Variants in FOXP2 observed in about 807,000 individuals in gnomAD.
FOXP2 encodes forkhead box protein P2.
FOXP2 carries 12 observed loss-of-function variants against 115.8 expected under a neutral mutation model. That is an observed-to-expected ratio of 0.10 (90% CI 0.07 to 0.17). The LOEUF (loss-of-function observed/expected upper bound fraction) is 0.17, where lower values mean the gene tolerates loss of function less well. FOXP2 is among the 10% of genes least tolerant of loss of function. The pLI is 1.00. For missense variants in FOXP2, 629 were observed against 843.5 expected, an observed-to-expected ratio of 0.75 and a Z score of 3.15; for synonymous variants, 328 against 297.7, an observed-to-expected ratio of 1.10 and a Z score of -1.05.
intron 3 of FOXP2, among the ~76,000 whole-genome samples, chr7:114,559,639 T>C (rs1294406983): frequency 6.6e-6 from 1 of 152,182 alleles, no homozygotes; most frequent in Non-Finnish European, 1.5e-5. Context: ...TCCCAGCACT[T>C]TGGGAGGCCA....
chr7:114,669,167 A>T (rs1807351578), intron 16 of FOXP2: 1 of 152,028 alleles, frequency 6.6e-6, no homozygotes, highest in African/African-American at 2.4e-5. Context: ...CATGATTATC[A>T]TCTCAACCTT....
In FOXP2 at chr7:114,659,439, A is replaced by T; in HGVS notation, c.1545+7A>T. 1 of 1,611,014 alleles carries T rather than the reference A, an allele frequency of 6.2e-7. No individual in the cohort carries two copies. The highest frequency in any genetic ancestry group is 8.5e-7 in the Non-Finnish European group (1 of 1,177,312). On this transcript the variant is annotated splice_region_variant and intron_variant, in intron 12 of 16. Transcript: ENST00000350908. ...TGCAACTCTCATAAGGCAGGTAAGT[A>T]GAAGGAAAATTAACTTTGCCTGATT...
intron 2 of FOXP2, among the ~76,000 whole-genome samples, chr7:114,388,716 T>C (rs1199703265): frequency 6.6e-6 from 1 of 152,222 alleles, no homozygotes; most frequent in Admixed American, 6.5e-5. Context: ...CAATTACTTG[T>C]TATTTTTCAC....
chr7:114,432,067 A>T (rs937689848), intron 2 of FOXP2, among the ~76,000 whole-genome samples: 2 of 151,822 alleles, frequency 1.3e-5, no homozygotes, highest in Admixed American at 6.6e-5. Flanking sequence ...TCAAAAGCAC[A>T]CTCTATACAA....
At chr7:114,572,620 C>T (rs1435865111) in intron 3 of FOXP2, among the ~76,000 whole-genome samples, 2 of 151,610 alleles carry the variant, frequency 1.3e-5, no homozygotes, top group Non-Finnish European at 3.0e-5. Context: ...GGACAGTTTT[C>T]CTAATTAGTA....
intron 2 of FOXP2, among the ~76,000 whole-genome samples, chr7:114,477,943 C>G (rs1796359312): frequency 6.6e-6 from 1 of 151,808 alleles, no homozygotes; most frequent in Non-Finnish European, 1.5e-5. Context: ...CTTAAAGACA[C>G]TGCCCCAAAG....
intron 1 of FOXP2, among the ~76,000 whole-genome samples, chr7:114,117,080 C>T (rs1791427615): frequency 1.3e-5 from 2 of 151,912 alleles, no homozygotes. Flanking sequence ...AATTTTTTAG[C>T]CTCAGGGGAA....
intron 2 of FOXP2, among the ~76,000 whole-genome samples, chr7:114,454,065 A>G (rs999180919): frequency 2.0e-5 from 3 of 151,338 alleles, no homozygotes; most frequent in African/African-American, 7.3e-5. Context: ...AGAAACTACC[A>G]TCAGAGTGAA....
intron 3 of FOXP2, chr7:114,570,961 G>A (rs1801272025): frequency 8.3e-7 from 1 of 1,205,432 alleles, no homozygotes; most frequent in Non-Finnish European, 1.2e-6. Flanking sequence ...GATTATATGT[G>A]ATTTTCTATA....
In FOXP2 at chr7:114,198,320, A is replaced by G. The variant is rs149208691; in HGVS notation, c.-102+35232A>G. ...AGTATTGGAAGTGGTCATAGAAATC[A>G]TTGAGACCATTTTCTACCTGATGCA... is the stretch of plus-strand genomic sequence containing the variant. On this transcript the variant is annotated intron_variant, in intron 1 of 17. Transcript: ENST00000634411. 4.4e-3 allele frequency among the ~76,000 whole-genome samples: 676 copies of G among 152,282 alleles called. 6 individuals are homozygous for G. The highest frequency in any genetic ancestry group is 0.015 in the African/African-American group (637 of 41,560).
rs117432242 is a variant in FOXP2, at chr7:114,263,589, G to A, written c.-101-24430G>A. Among the ~76,000 whole-genome samples the A allele has an allele frequency of 1.2e-3, 176 of 151,702 alleles. 3 individuals carry two copies. In the East Asian group the frequency reaches 0.031, roughly 26 times the overall value. ...CCACCTCAGCCTCCCAATGTGCTGG[G>A]ATTACAGGCGTGAGCCACTGTGCCT... On this transcript the variant is annotated intron_variant, in intron 1 of 17. Transcript: ENST00000634411.
intron 16 of FOXP2, among the ~76,000 whole-genome samples, chr7:114,670,204 T>C (rs774398384): frequency 2.0e-5 from 3 of 152,052 alleles, no homozygotes; most frequent in Non-Finnish European, 4.4e-5. Flanking sequence ...AGCAATTATC[T>C]GAAGCTTGAA....
chr7:114,621,912 A>C, intron 3 of FOXP2, among the ~76,000 whole-genome samples: 1 of 152,178 alleles, frequency 6.6e-6, no homozygotes, highest in South Asian at 2.1e-4. Context: ...TTCATTGAAA[A>C]ATATTTAAAT....
upstream of FOXP2, among the ~76,000 whole-genome samples, chr7:114,413,228 C>T (rs1356682633): frequency 6.6e-6 from 1 of 151,918 alleles, no homozygotes; most frequent in Non-Finnish European, 1.5e-5. Flanking sequence ...TTCACAGTTT[C>T]TTTGAAATGT....
intron 1 of FOXP2, among the ~76,000 whole-genome samples, chr7:114,215,719 G>A (rs1794470175): frequency 6.6e-6 from 1 of 151,638 alleles, no homozygotes; most frequent in Non-Finnish European, 1.5e-5. Flanking sequence ...TAGAAGTTCA[G>A]TAAATACTGA....
chr7:114,454,075 A>G (rs1695208910), intron 2 of FOXP2, among the ~76,000 whole-genome samples: 1 of 150,946 alleles, frequency 6.6e-6, no homozygotes, highest in Non-Finnish European at 1.5e-5. Context: ...ATCAGAGTGA[A>G]CAGGCAACCT....
chr7:114,300,908 T>C (rs1451945443), intron 2 of FOXP2, among the ~76,000 whole-genome samples: 1 of 152,098 alleles, frequency 6.6e-6, no homozygotes, highest in Non-Finnish European at 1.5e-5. Flanking sequence ...CAGAGCTGAC[T>C]AGGCCAAGTG....
At chr7:114,406,327 T>C (rs1793036591) in intron 2 of FOXP2, among the ~76,000 whole-genome samples, 1 of 151,972 alleles carries the variant, frequency 6.6e-6, no homozygotes, top group Non-Finnish European at 1.5e-5. Context: ...ATTTTGTTTA[T>C]AGTCTTGAGA....
chr7:114,379,867 T>A (rs544145985), intron 2 of FOXP2, among the ~76,000 whole-genome samples: 25 of 152,046 alleles, frequency 1.6e-4, no homozygotes, highest in Admixed American at 5.2e-4. Flanking sequence ...TGATGAAGGG[T>A]TTTAAGTAAT....
Sources: allele counts gnomAD v4.1 joint callset (sites outside exome capture counted in the v4.1 genomes callset), GRCh38; gene constraint gnomAD v4.1.1; transcripts MANE v1.5; gene names NCBI Gene and HGNC (gene_info 2026-07-23, HGNC 2026-07-21).